The following PRICKLE2 variants were observed in gnomAD, a reference collection of about 807,000 sequenced individuals.
The protein encoded by PRICKLE2 is prickle-like protein 2.
In PRICKLE2, 21 loss-of-function variants were observed where a neutral mutation model predicts 81.4. That is an observed-to-expected ratio of 0.26 (90% CI 0.18 to 0.37). The LOEUF is 0.37. Ranked by LOEUF, PRICKLE2 falls within the 10% of genes least tolerant of loss-of-function variation. PRICKLE2 has a pLI of 1.00. For synonymous variants in PRICKLE2, 456 were observed against 421.5 expected (o/e 1.08, Z -1.00); for missense variants, 940 against 1,109.0 (o/e 0.85, Z 2.16).
At position 64,096,034 on chromosome 3, in the gene PRICKLE2, GACTTAT is replaced by G. The variant is rs1344868362; in HGVS notation, c.*3011_*3016del. 1 of 152,178 alleles carries G rather than the reference GACTTAT, an allele frequency of 6.6e-6. No individual in the cohort carries two copies. Among genetic ancestry groups the G allele is most frequent in the Non-Finnish European group, 1.5e-5 (1 of 68,042 alleles). The allele number at this position is 152,178 out of a possible 1,614,324, so 9.4% of individuals were successfully genotyped here. Reference sequence around the variant, plus strand: ...CAGAGCCACTCAGGAAACTGTCAATGACTTATACTTCCTGGGTCTGGGAACAAGCCA... The same window carrying G: ...CAGAGCCACTCAGGAAACTGTCAATGACTTCCTGGGTCTGGGAACAAGCCA... On this transcript the variant is annotated 3_prime_UTR_variant, in exon 8 of 8. Coordinates refer to ENST00000638394, the MANE Select transcript of PRICKLE2 (RefSeq NM_198859.4).
intron 5 of PRICKLE2, 25 bp from the exon 6 acceptor site, chr3:64,153,393 C>T (rs993680050): frequency 6.2e-7 from 1 of 1,612,242 alleles, no homozygotes. Flanking sequence ...GCCAAATGGT[C>T]AGTGTGTAAA....
At chr3:64,206,817 C>G (rs2078695868) in intron 1 of PRICKLE2, among the ~76,000 whole-genome samples, 1 of 152,220 alleles carries the variant, frequency 6.6e-6, no homozygotes, top group South Asian at 2.1e-4. Flanking sequence ...GCTAAAATAA[C>G]CCAAAGCTCT....
At chr3:64,204,431 T>G (rs1246754591) in intron 1 of PRICKLE2, among the ~76,000 whole-genome samples, 3 of 152,142 alleles carry the variant, frequency 2.0e-5, no homozygotes, top group Non-Finnish European at 4.4e-5. Flanking sequence ...ACTGAACTAT[T>G]CAGAGCAGTT....
intron 2 of PRICKLE2, among the ~76,000 whole-genome samples, chr3:64,176,438 T>C (rs2078024074): frequency 6.6e-6 from 1 of 152,194 alleles, no homozygotes; most frequent in Non-Finnish European, 1.5e-5. Context: ...CCCTCCTCTA[T>C]TACTATTAGT....
chr3:64,099,995 G>T lies in PRICKLE2; in HGVS notation c.1661-70C>A. 6.6e-7 allele frequency: 1 copy of T among 1,521,978 alleles called. No homozygotes were observed. The allele number at this position is 1,521,978 out of a possible 1,614,324, so 94.3% of individuals were successfully genotyped here. ...AGCAATGGGTATCACTGTCACTGCT[G>T]GTCATCTATCTAGGGTCATTATATA... On this transcript the variant is annotated intron_variant, in intron 7 of 7. Transcript: ENST00000638394. The surrounding 1 kb of genome is among the most constrained non-coding windows in gnomAD (Gnocchi z 4.3).
At chr3:64,181,624 T>A (rs566800968) in intron 2 of PRICKLE2, among the ~76,000 whole-genome samples, 77 of 152,224 alleles carry the variant, frequency 5.1e-4, no homozygotes, top group Non-Finnish European at 9.1e-4. Flanking sequence ...AAAAAAACAA[T>A]CTTAACTTTT....
chr3:64,188,207 T>A (rs1431012477), intron 2 of PRICKLE2, among the ~76,000 whole-genome samples: 1 of 152,214 alleles, frequency 6.6e-6, no homozygotes, highest in Non-Finnish European at 1.5e-5. Flanking sequence ...CCTAGGATCC[T>A]TACAAAGATG....
intron 1 of PRICKLE2, among the ~76,000 whole-genome samples, chr3:64,217,031 G>T (rs696023): frequency 4.6e-5 from 7 of 152,052 alleles, no homozygotes; most frequent in African/African-American, 1.4e-4. Flanking sequence ...AGCTGTCAGG[G>T]GAAGGGGAGA....
chr3:64,203,260 T>C (rs1422465897), intron 1 of PRICKLE2, among the ~76,000 whole-genome samples: 1 of 152,206 alleles, frequency 6.6e-6, no homozygotes, highest in South Asian at 2.1e-4. Flanking sequence ...TTAAAAATAG[T>C]CAGAGCTCAT....
At chr3:64,135,088 T>G (rs2077257832) in intron 7 of PRICKLE2, among the ~76,000 whole-genome samples, 1 of 152,152 alleles carries the variant, frequency 6.6e-6, no homozygotes, top group Non-Finnish European at 1.5e-5. Flanking sequence ...CAGGTGTTCT[T>G]GGACTGATAA....
intron 7 of PRICKLE2, among the ~76,000 whole-genome samples, chr3:64,104,122 G>T (rs2076715267): frequency 6.6e-6 from 1 of 152,162 alleles, no homozygotes. Context: ...TCGTTCCTGG[G>T]ATAACTGTCA....
At position 64,095,369 on chromosome 3, in the gene PRICKLE2, T is replaced by C. The variant is rs1308655958; in HGVS notation, c.*3682A>G. On this transcript the variant is annotated 3_prime_UTR_variant, in exon 8 of 8. Transcript: ENST00000638394. ...TGTTCTACGGCAAGAGAACCAAGAGTGGAAAGACAGATATGAATCAGTTCA... is the reference window on the plus strand; with the variant it reads ...TGTTCTACGGCAAGAGAACCAAGAGCGGAAAGACAGATATGAATCAGTTCA... 2 of 151,968 alleles carry C rather than the reference T, an allele frequency of 1.3e-5. No homozygotes were observed. The highest frequency in any genetic ancestry group is 4.8e-5 in the African/African-American group (2 of 41,342). 9.4% of individuals were successfully genotyped at this position (151,968 alleles called of 1,614,324 possible).
chr3:64,153,597 A>T (rs1453098603), intron 5 of PRICKLE2: 1 of 535,734 alleles, frequency 1.9e-6, no homozygotes, highest in African/African-American at 1.9e-5. Context: ...CCAGTAATTA[A>T]CTTAACCACA....
chr3:64,130,196 A>G (rs1190893574), intron 7 of PRICKLE2, among the ~76,000 whole-genome samples: 1 of 152,228 alleles, frequency 6.6e-6, no homozygotes, highest in Non-Finnish European at 1.5e-5. Flanking sequence ...TTCAGCCCTT[A>G]GCTATCACAA....
chr3:64,130,947 T>A (rs1471267450), intron 7 of PRICKLE2, among the ~76,000 whole-genome samples: 1 of 152,182 alleles, frequency 6.6e-6, no homozygotes, highest in Non-Finnish European at 1.5e-5. Context: ...TTACAAGAGA[T>A]GGAGAAGGCC....
chr3:64,100,098 A>G (rs924288502), intron 7 of PRICKLE2, 173 bp from the exon 8 acceptor site: 2 of 646,652 alleles, frequency 3.1e-6, no homozygotes, highest in Admixed American at 5.5e-5. Context: ...TCCACTCCAC[A>G]GTAGGTCACT....
intron 7 of PRICKLE2, among the ~76,000 whole-genome samples, chr3:64,142,948 T>C (rs2077386651): frequency 1.3e-5 from 2 of 152,126 alleles, no homozygotes; most frequent in Admixed American, 1.3e-4. Context: ...AACTCCTAAA[T>C]GATGAAGGCT....
intron 2 of PRICKLE2, chr3:64,174,384 C>T (rs2077983514): frequency 6.6e-6 from 1 of 152,166 alleles, no homozygotes; most frequent in African/African-American, 2.4e-5. Flanking sequence ...AAAGGTGGCT[C>T]CTGCAAGGCA....
intron 5 of PRICKLE2, among the ~76,000 whole-genome samples, chr3:64,155,900 A>C (rs1301160532): frequency 6.6e-6 from 1 of 152,090 alleles, no homozygotes; most frequent in Non-Finnish European, 1.5e-5. Flanking sequence ...CTAATGGATA[A>C]AGAGTTTCTC....
Sources: gnomAD v4.1 joint callset for allele counts (sites outside exome capture counted in the v4.1 genomes callset) on GRCh38, gnomAD v4.1.1 for gene constraint, Gnocchi (gnomAD v3.1) non-coding constraint, MANE v1.5 for transcripts, NCBI Gene and HGNC (gene_info 2026-07-23, HGNC 2026-07-21) for gene names.